Variants in F8 observed in about 807,000 individuals in gnomAD.
The protein encoded by F8 is antihemophilic factor.
In F8, 12 loss-of-function variants were observed where a neutral mutation model predicts 140.6. The ratio of observed to expected loss-of-function variants is 0.09; its 90% confidence interval spans 0.05 to 0.14. The LOEUF is 0.14. Among genes scored for constraint, F8 ranks in the 10% least tolerant of loss-of-function variants. F8 has a pLI of 1.00. For missense variants in F8, 1,354 were observed against 1,720.7 expected (o/e 0.79, Z 3.77); for synonymous variants, 585 against 614.6 (o/e 0.95, Z 0.71).
At chrX:155,015,978 C>T (rs933619386) in intron 1 of F8, among the ~76,000 whole-genome samples, 4 of 112,207 alleles carry the variant, frequency 3.6e-5, no homozygotes, top group African/African-American at 1.3e-4. Context: ...TGGCTCAAGC[C>T]GTAATCCCAA....
intron 12 of F8, among the ~76,000 whole-genome samples, chrX:154,953,292 C>G (rs1172052873): frequency 1.8e-5 from 2 of 112,064 alleles, no homozygotes; most frequent in African/African-American, 3.2e-5. Context: ...AAAATAAGGT[C>G]ATTACGGTGG....
chrX:154,902,290 C>T, intron 18 of F8, 123 bp from the exon 19 acceptor site: 1 of 554,596 alleles, frequency 1.8e-6, no homozygotes. Context: ...TACTTTTGGA[C>T]CCCTCAAATG....
At position 154,906,276 on chromosome X, in the gene F8, A is replaced by G. The variant is rs1163296186; in HGVS notation, c.5373+144T>C. The stretch of plus-strand genomic sequence containing the variant: ...TGAATACATAAGGAGAAAAATACAT[A>G]GGAAAAATAGAACGTACACAAAGAT... On this transcript the variant is annotated intron_variant, in intron 15 of 25. Coordinates refer to ENST00000360256, the MANE Select transcript of F8 (RefSeq NM_000132.4). The G allele has an allele frequency of 3.0e-5, 15 of 501,115 alleles. No homozygotes were observed. The East Asian group carries it at 6.0e-4, about 20-fold the overall frequency. The allele number at this position is 501,115 out of a possible 1,213,427, so 41.3% of individuals were successfully genotyped here. A position where few individuals can be genotyped will look rare whatever the true frequency, so the allele number is the denominator to read the frequency against.
chrX:154,944,404 A>C (rs1254011747), intron 13 of F8, among the ~76,000 whole-genome samples: 1 of 111,575 alleles, frequency 9.0e-6, no homozygotes, highest in Non-Finnish European at 1.9e-5. Flanking sequence ...ATGCAGCCAA[A>C]AAACACATGA....
intron 13 of F8, among the ~76,000 whole-genome samples, chrX:154,945,909 C>T (rs1557280254): frequency 9.0e-6 from 1 of 111,662 alleles, no homozygotes; most frequent in Non-Finnish European, 1.9e-5. Context: ...GGATACAAAA[C>T]CAACATGCAA....
chrX:154,945,007 T>C (rs1451181880), intron 13 of F8, among the ~76,000 whole-genome samples: 2 of 109,414 alleles, frequency 1.8e-5, no homozygotes, highest in African/African-American at 6.7e-5. Context: ...CATCACACTC[T>C]GGGGACTGTT....
chrX:154,936,181 A>G (rs782406228), intron 13 of F8, among the ~76,000 whole-genome samples: 2 of 111,911 alleles, frequency 1.8e-5, no homozygotes, highest in East Asian at 5.6e-4. Context: ...GGAAAAACCA[A>G]TAAAACAAAA....
chrX:154,840,320 T>C (rs782372152), intron 25 of F8, among the ~76,000 whole-genome samples: 2 of 112,041 alleles, frequency 1.8e-5, no homozygotes, highest in African/African-American at 6.5e-5. Flanking sequence ...CTTTTGATGC[T>C]CAAATTGTCT....
chrX:154,852,788 C>T lies in F8; in HGVS notation c.6900+7644G>A, dbSNP rs781854540. Among the ~76,000 whole-genome samples, 11 of 111,160 alleles carry T rather than the reference C, an allele frequency of 9.9e-5. No individual in the cohort carries two copies. In the East Asian group the frequency reaches 2.5e-3, roughly 26 times the overall value. On this transcript the variant is annotated intron_variant, in intron 25 of 25. Transcript: ENST00000360256. Reference sequence around the variant, plus strand: ...AGAGAATGCTTTGAGGCCGGAGAATCGCTTGAGCCCAGGAAGCAGAGGTTA... The same window carrying T: ...AGAGAATGCTTTGAGGCCGGAGAATTGCTTGAGCCCAGGAAGCAGAGGTTA...
chrX:154,954,140 A>G, intron 11 of F8, 98 bp from the exon 12 acceptor site: 1 of 878,695 alleles, frequency 1.1e-6, no homozygotes, highest in Non-Finnish European at 1.7e-6. Flanking sequence ...TGCATGTGAT[A>G]TATCTAATCC....
At chrX:154,989,140 A>C (rs2073574205) in intron 4 of F8, among the ~76,000 whole-genome samples, 1 of 112,052 alleles carries the variant, frequency 8.9e-6, no homozygotes, top group African/African-American at 3.2e-5. Context: ...CTAAGTAGGA[A>C]GACCCTGTGC....
chrX:154,934,918 C>G (rs782120593), intron 13 of F8, among the ~76,000 whole-genome samples: 1 of 111,481 alleles, frequency 9.0e-6, no homozygotes, highest in African/African-American at 3.3e-5. Flanking sequence ...AATCCCAGCA[C>G]TTTGGGAAGC....
intron 22 of F8, among the ~76,000 whole-genome samples, chrX:154,873,234 T>C (rs2072788346): frequency 9.2e-6 from 1 of 109,088 alleles, no homozygotes; most frequent in African/African-American, 3.3e-5. Flanking sequence ...CAATCTTTTT[T>C]TTTTTTTTTT....
intron 25 of F8, among the ~76,000 whole-genome samples, chrX:154,852,881 AAAAC>A (rs1184208889): frequency 4.5e-5 from 5 of 112,004 alleles, no homozygotes; most frequent in African/African-American, 9.7e-5. Flanking sequence ...CTCAAATCAA[AAAAC>A]AAACAAACAA....
chrX:154,853,786 C>T (rs925204709), intron 25 of F8, among the ~76,000 whole-genome samples: 6 of 111,656 alleles, frequency 5.4e-5, no homozygotes, highest in South Asian at 3.7e-4. Context: ...TTCACCTCTC[C>T]GCTATGATTT....
At position 154,860,619 on chromosome X, in the gene F8, T is replaced by A. The variant is rs1557272803; in HGVS notation, c.6724-11A>T. The A allele has an allele frequency of 8.3e-7, 1 of 1,209,609 alleles. No homozygotes were observed. Among genetic ancestry groups the A allele is most frequent in the South Asian group, 1.8e-5 (1 of 56,958 alleles). ...TTTTGGATTATTCACCTGAGGGCAA[T>A]AGAGTTGGACTAGTAGCCTCTTGGT... is the stretch of plus-strand genomic sequence containing the variant. On this transcript the variant is annotated splice_polypyrimidine_tract_variant and intron_variant, in intron 24 of 25. Transcript: ENST00000360256.
rs1489292474 is a variant in F8 at position 154,888,406 on chromosome X, T to C, written c.6429+7671A>G. Among the ~76,000 whole-genome samples the C allele has an allele frequency of 1.7e-3, 123 of 73,652 alleles. 3 individuals carry two copies. The highest frequency in any genetic ancestry group is 2.7e-3 in the East Asian group (7 of 2,581). 64.0% of individuals were successfully genotyped at this position (73,652 alleles called of 115,157 possible). On this transcript the variant is annotated intron_variant, in intron 22 of 25. Coordinates refer to ENST00000360256, the MANE Select transcript of F8 (RefSeq NM_000132.4). ...TTTTTTTTTTTTTTTTTTTTTTTTT[T>C]CCCCCCGAGATGGAGTCTCACTCTG...
chrX:154,929,143 C>T lies in F8; in HGVS notation c.4647G>A (p.Glu1549=), dbSNP rs1557278383. Reference sequence around the variant, plus strand: ...TTGCTTCATTCCACTTAATCGCTCCCTCTGTTCCCTGAAGAAGGCTCCCTT... The same window carrying T: ...TTGCTTCATTCCACTTAATCGCTCCTTCTGTTCCCTGAAGAAGGCTCCCTT... The part of the protein sequence containing the change: ...LVEGSLLQGT[E]GAIKWNEANR... Residue 1549 remains glutamate (E), a synonymous_variant, in exon 14 of 26, where the codon GAG becomes GAA. Coordinates refer to ENST00000360256, the MANE Select transcript of F8 (RefSeq NM_000132.4). The T allele has an allele frequency of 2.5e-6, 3 of 1,211,718 alleles. No individual in the cohort carries two copies. Among genetic ancestry groups the T allele is most frequent in the Non-Finnish European group, 3.4e-6 (3 of 895,505 alleles).
chrX:154,912,186 G>T (rs952176362), intron 14 of F8, among the ~76,000 whole-genome samples: 1 of 111,622 alleles, frequency 9.0e-6, no homozygotes, highest in Non-Finnish European at 1.9e-5. Context: ...TTTGTTGTGC[G>T]GAAGCTTTAT....
Sources: allele counts gnomAD v4.1 joint callset (sites outside exome capture counted in the v4.1 genomes callset), GRCh38; gene constraint gnomAD v4.1.1; transcripts MANE v1.5; gene names NCBI Gene and HGNC (gene_info 2026-07-23, HGNC 2026-07-21).